The following TSPOAP1 variants were observed in gnomAD, a reference collection of about 807,000 sequenced individuals.
The protein encoded by TSPOAP1 is peripheral-type benzodiazepine receptor-associated protein 1.
A neutral mutation model predicts 197.0 loss-of-function variants in TSPOAP1; 87 were observed. The observed-to-expected ratio is 0.44, with a 90% CI of 0.37 to 0.53. TSPOAP1 has a LOEUF of 0.53. Ranked by LOEUF, TSPOAP1 falls within the 20% of genes least tolerant of loss-of-function variation. TSPOAP1 has a pLI of 0.00. For synonymous variants in TSPOAP1, 913 were observed against 998.9 expected (o/e 0.91, Z 1.62); for missense variants, 2,174 against 2,411.3 (o/e 0.90, Z 2.06).
At chr17:58,306,138 T>A (rs185503281) in intron 26 of TSPOAP1, among the ~76,000 whole-genome samples, 1 of 151,998 alleles carries the variant, frequency 6.6e-6, no homozygotes, top group Non-Finnish European at 1.5e-5. Flanking sequence ...AAGCCCCCCA[T>A]GGGGGGAGGC....
Position 58,307,852 on chromosome 17 carries a change from A to G in TSPOAP1, c.4821T>C (p.Thr1607=). ...CCATCAGGTGCTCACCTAGCTCTGCAGTGCTTGGCCTGAGGACTCGGACAC... is the reference window on the plus strand; with the variant it reads ...CCATCAGGTGCTCACCTAGCTCTGCGGTGCTTGGCCTGAGGACTCGGACAC... ...KRGVRVLRPS[T]AELVPARSPS... Residue 1607 remains threonine, a synonymous_variant, in exon 23 of 32, where the codon ACT becomes ACC. Coordinates refer to ENST00000343736, the MANE Select transcript of TSPOAP1 (RefSeq NM_004758.4). 1 of 1,613,856 alleles carries G rather than the reference A, an allele frequency of 6.2e-7. No individual in the cohort carries two copies. The highest frequency in any genetic ancestry group is 8.5e-7 in the Non-Finnish European group (1 of 1,180,026).
Position 58,322,555 on chromosome 17 carries a change from G to A in TSPOAP1, c.1317+99C>T, listed in dbSNP as rs113685562. 5 of 1,567,038 alleles carry A rather than the reference G, an allele frequency of 3.2e-6. 1 individual carries two copies. Among genetic ancestry groups the A allele is most frequent in the African/African-American group, 2.7e-5 (2 of 74,098 alleles). On this transcript the variant is annotated intron_variant, in intron 9 of 31. Coordinates refer to ENST00000343736, the MANE Select transcript of TSPOAP1 (RefSeq NM_004758.4). The surrounding 1 kb of genome is among the most constrained non-coding windows in gnomAD (Gnocchi z 5.0). Reference sequence around the variant, plus strand: ...TGAGCCTGGAGCAGCTCCAGGCCCAGGCCTCAGAGCTAGTGCCCCTCACTA... The same window carrying A: ...TGAGCCTGGAGCAGCTCCAGGCCCAAGCCTCAGAGCTAGTGCCCCTCACTA...
At chr17:58,302,469 G>A in intron 31 of TSPOAP1, 22 bp from the exon 32 acceptor site, 1 of 1,209,062 alleles carries the variant, frequency 8.3e-7, no homozygotes, top group Non-Finnish European at 1.0e-6. Flanking sequence ...GACAGAAGGA[G>A]CAAGGTCAGG....
chr17:58,301,501 C>T lies in TSPOAP1; in HGVS notation c.*979G>A, dbSNP rs1311478642. 6.5e-6 allele frequency: 1 copy of T among 152,686 alleles called. No homozygotes were observed. Among genetic ancestry groups the T allele is most frequent in the Non-Finnish European group, 1.5e-5 (1 of 68,076 alleles). 9.5% of individuals were successfully genotyped at this position (152,686 alleles called of 1,614,324 possible). A position where few individuals can be genotyped will look rare whatever the true frequency, so the allele number is the denominator to read the frequency against. On this transcript the variant is annotated 3_prime_UTR_variant, in exon 32 of 32. Coordinates refer to ENST00000343736, the MANE Select transcript of TSPOAP1 (RefSeq NM_004758.4). ...CTTTTCTCCAGCCCCTGGACTCCAA[C>T]AGGGGTTAGAAGAAAACTATGCAAA...
At chr17:58,327,399 G>T (rs1047533273) in intron 1 of TSPOAP1, among the ~76,000 whole-genome samples, 189 bp downstream of exon 1, 36 of 152,222 alleles carry the variant, frequency 2.4e-4, no homozygotes, top group African/African-American at 8.2e-4. Context: ...AATGACGAAA[G>T]AAATGGAGCC....
chr17:58,302,192 A>G lies in TSPOAP1; in HGVS notation c.*288T>C. Reference sequence around the variant, plus strand: ...GAACGGGGGCTCTGGGCCCAGTCTGAGCCTTCCCTGCTCAGCAGAGACAGT... The same window carrying G: ...GAACGGGGGCTCTGGGCCCAGTCTGGGCCTTCCCTGCTCAGCAGAGACAGT... On this transcript the variant is annotated 3_prime_UTR_variant, in exon 32 of 32. Coordinates refer to ENST00000343736, the MANE Select transcript of TSPOAP1 (RefSeq NM_004758.4). 8.1e-7 allele frequency: 1 copy of G among 1,240,166 alleles called. No individual in the cohort carries two copies. Among genetic ancestry groups the G allele is most frequent in the African/African-American group, 1.6e-5 (1 of 64,334 alleles). The allele number at this position is 1,240,166 out of a possible 1,614,324, so 76.8% of individuals were successfully genotyped here. A position where few individuals can be genotyped will look rare whatever the true frequency, so the allele number is the denominator to read the frequency against.
chr17:58,324,878 G>T lies in TSPOAP1; in HGVS notation c.875C>A (p.Pro292Gln). 1 of 1,531,728 alleles carries T rather than the reference G, an allele frequency of 6.5e-7. No homozygotes were observed. Among genetic ancestry groups the T allele is most frequent in the Non-Finnish European group, 8.7e-7 (1 of 1,144,300 alleles). 94.9% of individuals were successfully genotyped at this position (1,531,728 alleles called of 1,614,324 possible). A position where few individuals can be genotyped will look rare whatever the true frequency, so the allele number is the denominator to read the frequency against. The change falls in exon 5 of 32, where the codon CCG becomes CAG. Residue 292 changes from proline to glutamine, a missense_variant. Physicochemically the swap from Pro to Gln is moderately conservative, Grantham distance 76 (BLOSUM62 -1). Transcript: ENST00000343736. The surrounding 1 kb of genome is among the most constrained non-coding windows in gnomAD (Gnocchi z 5.8). ...GAGAGCAGGGCCCGGGGGCCAGGAC[G>T]GCGGGAGCGGGAGCGTCTCCCGCTG... ...RNQRETLPLP[P>Q]SWPPGPALQA... is the part of the protein sequence containing the mutation.
At position 58,324,960 on chromosome 17, in the gene TSPOAP1, G is replaced by A; in HGVS notation, c.793C>T (p.Leu265=). 1 of 1,539,496 alleles carries A rather than the reference G, an allele frequency of 6.5e-7. No homozygotes were observed. Among genetic ancestry groups the A allele is most frequent in the Non-Finnish European group, 8.7e-7 (1 of 1,144,230 alleles). Residue 265 remains leucine (L), a synonymous_variant, in exon 5 of 32, where the codon CTG becomes TTG. Coordinates refer to ENST00000343736, the MANE Select transcript of TSPOAP1 (RefSeq NM_004758.4). The surrounding 1 kb of genome is among the most constrained non-coding windows in gnomAD (Gnocchi z 5.8). ...AGCACCTCCCGCTGGGACTCGCGCA[G>A]CAGCCGATCGAAGTCCCGCACGTGG... is the stretch of plus-strand genomic sequence containing the variant. ...WLHVRDFDRL[L]RESQREVLRL... is the part of the protein sequence containing the mutation.
rs113930619 is a variant in TSPOAP1, at chr17:58,323,227, G to C, written c.1104+71C>G. On this transcript the variant is annotated intron_variant, in intron 7 of 31. Coordinates refer to ENST00000343736, the MANE Select transcript of TSPOAP1 (RefSeq NM_004758.4). The stretch of plus-strand genomic sequence containing the variant: ...GCAGCAGGGGTGGGAGCAGAGCTGA[G>C]AGGGAGCCCACCACCTGGCTGGCCG... The C allele has an allele frequency of 2.7e-3, 4,287 of 1,573,080 alleles. 94 individuals carry two copies. The African/African-American group carries it at 0.049, about 18-fold the overall frequency.
chr17:58,304,959 G>T lies in TSPOAP1; in HGVS notation c.5544+102C>A. On this transcript the variant is annotated intron_variant, in intron 30 of 31. Coordinates refer to ENST00000343736, the MANE Select transcript of TSPOAP1 (RefSeq NM_004758.4). The surrounding 1 kb of genome is among the most constrained non-coding windows in gnomAD (Gnocchi z 4.2). ...CGCTGGACACAGTGCTTACCTGCAT[G>T]ACCACCCCAGCTGCACCCCTGCCGC... 1 of 885,954 alleles carries T rather than the reference G, an allele frequency of 1.1e-6. No individual in the cohort carries two copies. Among genetic ancestry groups the T allele is most frequent in the South Asian group, 1.3e-5 (1 of 74,680 alleles). The allele number at this position is 885,954 out of a possible 1,614,324, so 54.9% of individuals were successfully genotyped here. A position where few individuals can be genotyped will look rare whatever the true frequency, so the allele number is the denominator to read the frequency against.
chr17:58,306,243 C>T (rs1970887103), intron 26 of TSPOAP1, 99 bp downstream of exon 26: 1 of 1,241,794 alleles, frequency 8.1e-7, no homozygotes. Context: ...CCAGCACACA[C>T]ATCCTCCCAG....
rs1206845822 is a variant in TSPOAP1 at position 58,309,103 on chromosome 17, C to G, written c.4169G>C (p.Gly1390Ala). 1.1e-5 allele frequency: 18 copies of G among 1,613,622 alleles called. No individual in the cohort carries two copies. The highest frequency in any genetic ancestry group is 1.1e-5 in the Non-Finnish European group (13 of 1,180,052). ...CPLSPESSRA[G>A]DCLEDMPGLV... ...TCCAGGCATGTCTTCCAGGCAGTCT[C>G]CAGCCCTGGAGGACTCAGGAGACAA... is the stretch of plus-strand genomic sequence containing the variant. Residue 1390 changes from glycine to alanine, a missense_variant, in exon 22 of 32, where the codon GGA (glycine) becomes GCA (alanine). Transcript: ENST00000343736. The surrounding 1 kb of genome is among the most constrained non-coding windows in gnomAD (Gnocchi z 5.0).
Position 58,302,310 on chromosome 17 carries a change from C to G in TSPOAP1, c.*170G>C. On this transcript the variant is annotated 3_prime_UTR_variant, in exon 32 of 32. Transcript: ENST00000343736. ...AGCCCAGCCTCCTGAGGAGCTGCTT[C>G]CCCTTGGAGAAGAAACCCCACACCT... 7.8e-7 allele frequency: 1 copy of G among 1,289,552 alleles called. No homozygotes were observed. The highest frequency in any genetic ancestry group is 1.0e-6 in the Non-Finnish European group (1 of 988,810). 79.9% of individuals were successfully genotyped at this position (1,289,552 alleles called of 1,614,324 possible).
rs767155412 is a variant in TSPOAP1 at position 58,311,843 on chromosome 17, T to C, written c.2929+49A>G. 4 of 1,491,118 alleles carry C rather than the reference T, an allele frequency of 2.7e-6. No individual in the cohort carries two copies. The East Asian group carries it at 7.0e-5, about 26-fold the overall frequency. 92.4% of individuals were successfully genotyped at this position (1,491,118 alleles called of 1,614,324 possible). A position where few individuals can be genotyped will look rare whatever the true frequency, so the allele number is the denominator to read the frequency against. On this transcript the variant is annotated intron_variant, in intron 17 of 31. Coordinates refer to ENST00000343736, the MANE Select transcript of TSPOAP1 (RefSeq NM_004758.4). ...CAGGGTCCCCTTCTTCCGTCACCCA[T>C]GGCCTGGCCTCCTGGGTGTTCTGGA...
intron 16 of TSPOAP1, among the ~76,000 whole-genome samples, chr17:58,315,390 G>A (rs1971197260): frequency 6.6e-6 from 1 of 152,216 alleles, no homozygotes; most frequent in Non-Finnish European, 1.5e-5. Context: ...GACTCAGCCT[G>A]GTGGTACCCA....
In TSPOAP1 at chr17:58,324,032, C is replaced by T. The variant is rs560383617; in HGVS notation, c.943-487G>A. Among the ~76,000 whole-genome samples the T allele has an allele frequency of 3.3e-4, 51 of 152,314 alleles. No individual in the cohort carries two copies. Among genetic ancestry groups the T allele is most frequent in the Non-Finnish European group, 6.6e-4 (45 of 68,030 alleles). ...AGCCAGACCCTTCTCCTGGCTTCCCCCAAGCCCACCCTACCACACCTTCCG... is the reference window on the plus strand; with the variant it reads ...AGCCAGACCCTTCTCCTGGCTTCCCTCAAGCCCACCCTACCACACCTTCCG... On this transcript the variant is annotated intron_variant, in intron 5 of 31. Transcript: ENST00000343736. This position sits in a 1 kb window ranked among gnomAD's most constrained non-coding sequence, Gnocchi z 5.8.
rs753497837 is a variant in TSPOAP1, at chr17:58,312,516, C to T, written c.2305G>A (p.Glu769Lys). The T allele has an allele frequency of 5.0e-6, 8 of 1,601,378 alleles. No homozygotes were observed. In the African/African-American group the frequency reaches 9.4e-5, roughly 19 times the overall value. ...CTGAGCTCGTCCCCTGCATCCTCCT[C>T]CTCAGGTCTGGGCTGGCTCCTTCCC... ...SVGRSQPRPE[E>K]EDAGDELSLS... is the part of the protein sequence containing the mutation. Residue 769 changes from glutamate (E) to lysine (K), a missense_variant, in exon 17 of 32, where the codon GAG becomes AAG. By Grantham distance (56) the Glu-to-Lys change is moderately conservative. Around this residue, in one of 5 missense-constraint regions of TSPOAP1, gnomAD observed 1,933 missense variants for 2,139.0 expected, o/e 0.90. Coordinates refer to ENST00000343736, the MANE Select transcript of TSPOAP1 (RefSeq NM_004758.4).
rs376803572 is a variant in TSPOAP1 at position 58,325,723 on chromosome 17, G to A, written c.571-10C>T. On this transcript the variant is annotated splice_polypyrimidine_tract_variant and intron_variant, in intron 3 of 31. Coordinates refer to ENST00000343736, the MANE Select transcript of TSPOAP1 (RefSeq NM_004758.4). ...GCAAGGGGGCACTCACCTAGCCAGA[G>A]GAGGGGTAAGGCCAATGGTCACCTG... is the stretch of plus-strand genomic sequence containing the variant. The A allele has an allele frequency of 1.8e-5, 29 of 1,596,896 alleles. No homozygotes were observed. Among genetic ancestry groups the A allele is most frequent in the Middle Eastern group, 1.7e-4 (1 of 5,804 alleles).
Position 58,306,912 on chromosome 17 carries a change from T to G in TSPOAP1, c.5040A>C (p.Thr1680=), listed in dbSNP as rs138821615. ...GFYQGEGGGR[T]GYIPCNMVAE... ...CCACCATGTTGCAGGGAATGTAGCC[T>G]GTCCGGCCCCCACCTTCGCCCTGGT... The change falls in exon 25 of 32, where the codon ACA becomes ACC. Residue 1680 remains threonine, a synonymous_variant. Coordinates refer to ENST00000343736, the MANE Select transcript of TSPOAP1 (RefSeq NM_004758.4). 4 of 1,613,458 alleles carry G rather than the reference T, an allele frequency of 2.5e-6. No homozygotes were observed. Among genetic ancestry groups the G allele is most frequent in the Admixed American group, 1.7e-5 (1 of 60,004 alleles).
Sources: gnomAD v4.1 joint callset for allele counts (sites outside exome capture counted in the v4.1 genomes callset) on GRCh38, gnomAD v4.1.1 for gene constraint, gnomAD v4.1.1 regional missense constraint, Gnocchi (gnomAD v3.1) non-coding constraint, MANE v1.5 for transcripts, NCBI Gene and HGNC (gene_info 2026-07-23, HGNC 2026-07-21) for gene names.